Variants in PRKCB observed in about 807,000 individuals in gnomAD.
The protein encoded by PRKCB is protein kinase C beta type.
In PRKCB, 13 loss-of-function variants were observed where a neutral mutation model predicts 81.5. The observed-to-expected ratio is 0.16, with a 90% CI of 0.10 to 0.25. PRKCB has a LOEUF of 0.25. PRKCB is among the 10% of genes least tolerant of loss of function. PRKCB has a pLI of 1.00. For synonymous variants in PRKCB, 335 were observed against 321.4 expected (o/e 1.04, Z -0.45); for missense variants, 509 against 875.7 (o/e 0.58, Z 5.29).
At position 24,215,780 on chromosome 16, in the gene PRKCB, G is replaced by A; in HGVS notation, c.*964G>A. 1.0e-6 allele frequency: 1 copy of A among 985,834 alleles called. No homozygotes were observed. The highest frequency in any genetic ancestry group is 1.2e-6 in the Non-Finnish European group (1 of 829,934). 61.1% of individuals were successfully genotyped at this position (985,834 alleles called of 1,614,324 possible). A position where few individuals can be genotyped will look rare whatever the true frequency, so the allele number is the denominator to read the frequency against. Reference sequence around the variant, plus strand: ...ACGGCTGCGGAGCCTAGCAGACTCAGGCCTGTGGGAATGGGATTTGTTACA... The same window carrying A: ...ACGGCTGCGGAGCCTAGCAGACTCAAGCCTGTGGGAATGGGATTTGTTACA... On this transcript the variant is annotated 3_prime_UTR_variant, in exon 17 of 17. Transcript: ENST00000643927.
At chr16:24,032,347 C>G (rs1357815100) in intron 4 of PRKCB, 100 bp downstream of exon 4, 1 of 757,138 alleles carries the variant, frequency 1.3e-6, no homozygotes, top group Non-Finnish European at 2.2e-6. Flanking sequence ...TACATTCCCC[C>G]CTGTCCTCGT....
intron 2 of PRKCB, among the ~76,000 whole-genome samples, chr16:23,898,121 A>C (rs1353423911): frequency 6.7e-6 from 1 of 149,566 alleles, no homozygotes; most frequent in Admixed American, 6.7e-5. Context: ...GCCAGAGTGC[A>C]GTGGTGCGAT....
chr16:24,056,281 C>G (rs1385624403), intron 5 of PRKCB, among the ~76,000 whole-genome samples: 1 of 152,212 alleles, frequency 6.6e-6, no homozygotes, highest in Non-Finnish European at 1.5e-5. Flanking sequence ...GGGCTAATCA[C>G]CATCTCTGCC....
rs376161487 is a variant in PRKCB at position 23,853,010 on chromosome 16, G to A, written c.205+15604G>A. Among the ~76,000 whole-genome samples, 11 of 152,276 alleles carry A rather than the reference G, an allele frequency of 7.2e-5. No individual in the cohort carries two copies. In the South Asian group the frequency reaches 1.0e-3, roughly 14 times the overall value. ...GAATCACCCATTGGGGAATGGTGCC[G>A]TTTGCCTTCTTTGGGGAACATCTGC... On this transcript the variant is annotated intron_variant, in intron 2 of 16. Coordinates refer to ENST00000643927, the MANE Select transcript of PRKCB (RefSeq NM_002738.7).
chr16:24,195,891 T>G (rs1018622221), intron 16 of PRKCB, among the ~76,000 whole-genome samples: 10 of 152,212 alleles, frequency 6.6e-5, no homozygotes, highest in Admixed American at 5.9e-4. Flanking sequence ...AAACATGCAG[T>G]GCCTTGTTTT....
intron 9 of PRKCB, among the ~76,000 whole-genome samples, chr16:24,130,731 C>A (rs1966852166): frequency 1.3e-5 from 2 of 152,152 alleles, no homozygotes; most frequent in Admixed American, 6.5e-5. Context: ...CTTTGTTTTT[C>A]TCTGCAGTCA....
chr16:24,165,496 A>T (rs566492569), intron 10 of PRKCB, among the ~76,000 whole-genome samples: 2 of 152,326 alleles, frequency 1.3e-5, no homozygotes, highest in African/African-American at 4.8e-5. Context: ...GCTCGATGAA[A>T]GTTCTAAAAC....
At position 24,123,893 on chromosome 16, in the gene PRKCB, C is replaced by T. The variant is rs755710261; in HGVS notation, c.977C>T (p.Ser326Phe). ...GAAGAAAAGACGACCAACACTGTCT[C>T]CAAATTTGACAACAATGGCAACAGA... is the stretch of plus-strand genomic sequence containing the variant. Reference protein sequence around the residue: ...VPEEKTTNTVSKFDNNGNRDR... With the variant: ...VPEEKTTNTVFKFDNNGNRDR... The change falls in exon 9 of 17, where the codon TCC (serine) becomes TTC (phenylalanine). Residue 326 changes from serine (S) to phenylalanine (F), a missense_variant. Coordinates refer to ENST00000643927, the MANE Select transcript of PRKCB (RefSeq NM_002738.7). 34 of 1,614,112 alleles carry T rather than the reference C, an allele frequency of 2.1e-5. No homozygotes were observed. Among genetic ancestry groups the T allele is most frequent in the Non-Finnish European group, 2.8e-5 (33 of 1,180,012 alleles).
intron 3 of PRKCB, among the ~76,000 whole-genome samples, chr16:24,021,789 G>C (rs1396674938): frequency 1.3e-5 from 2 of 152,138 alleles, no homozygotes; most frequent in Admixed American, 6.6e-5. Context: ...CAGGATAACA[G>C]TCTAACTCCT....
chr16:23,991,268 A>G (rs763629938), intron 3 of PRKCB, among the ~76,000 whole-genome samples: 6 of 152,206 alleles, frequency 3.9e-5, no homozygotes, highest in Non-Finnish European at 7.3e-5. Flanking sequence ...AAATGTGGTA[A>G]TTGAGGTTAA....
At chr16:24,062,341 C>T (rs1427034185) in intron 5 of PRKCB, among the ~76,000 whole-genome samples, 2 of 152,188 alleles carry the variant, frequency 1.3e-5, no homozygotes, top group African/African-American at 4.8e-5. Context: ...CTAGCCTTTG[C>T]CTGCTCACTG....
intron 3 of PRKCB, among the ~76,000 whole-genome samples, chr16:23,988,824 C>T (rs1964835383): frequency 6.6e-6 from 1 of 151,946 alleles, no homozygotes. Flanking sequence ...AATGTCTTCA[C>T]TTTGAGAGCT....
rs117145668 is a variant in PRKCB, at chr16:23,980,151, C to T, written c.206-8357C>T. ...ACTGTGATGAGGCTCAGGTTAAGCA[C>T]GGATATGAAAGCCCTTTGCAAACTC... On this transcript the variant is annotated intron_variant, in intron 2 of 16. Coordinates refer to ENST00000643927, the MANE Select transcript of PRKCB (RefSeq NM_002738.7). Among the ~76,000 whole-genome samples, 541 of 152,304 alleles carry T rather than the reference C, an allele frequency of 3.6e-3. 3 individuals carry two copies. The highest frequency in any genetic ancestry group is 5.4e-3 in the Non-Finnish European group (366 of 68,026).
Position 23,878,036 on chromosome 16 carries a change from G to A in PRKCB, c.205+40630G>A, listed in dbSNP as rs147259006. Among the ~76,000 whole-genome samples the A allele has an allele frequency of 3.6e-3, 544 of 152,142 alleles. 1 individual carries two copies. Among genetic ancestry groups the A allele is most frequent in the Non-Finnish European group, 6.4e-3 (438 of 67,994 alleles). On this transcript the variant is annotated intron_variant, in intron 2 of 16. Coordinates refer to ENST00000643927, the MANE Select transcript of PRKCB (RefSeq NM_002738.7). Reference sequence around the variant, plus strand: ...TTTAGTAGAGATGGGGTTTCACCACGTTGGCCAGGCCGGTCTTGAACTCCT... The same window carrying A: ...TTTAGTAGAGATGGGGTTTCACCACATTGGCCAGGCCGGTCTTGAACTCCT...
In PRKCB at chr16:24,217,662, C is replaced by G. The variant is rs534604535; in HGVS notation, c.*2846C>G. ...GAAGCATTAGCCATCACCAGCACAA[C>G]AAACGGGGCAGGGCTTTCCAAGGTG... On this transcript the variant is annotated 3_prime_UTR_variant, in exon 17 of 17. Transcript: ENST00000643927. 5.1e-6 allele frequency: 5 copies of G among 985,556 alleles called. No individual in the cohort carries two copies. In the East Asian group the frequency reaches 5.7e-4, roughly 112 times the overall value. 61.1% of individuals were successfully genotyped at this position (985,556 alleles called of 1,614,324 possible).
chr16:24,186,872 A>C (rs1282711218), intron 15 of PRKCB, among the ~76,000 whole-genome samples: 1 of 152,246 alleles, frequency 6.6e-6, no homozygotes, highest in African/African-American at 2.4e-5. Flanking sequence ...ACCACCTGTG[A>C]ATTAGTCTCA....
chr16:24,002,167 G>C (rs1357627567), intron 3 of PRKCB, among the ~76,000 whole-genome samples: 1 of 152,100 alleles, frequency 6.6e-6, no homozygotes, highest in African/African-American at 2.4e-5. Context: ...AGCCTTGCTA[G>C]CATTGACTGA....
chr16:24,094,232 G>A lies in PRKCB; in HGVS notation c.756G>A (p.Arg252=), dbSNP rs753635581. Residue 252 remains arginine (R), a synonymous_variant, in exon 7 of 17, where the codon AGG becomes AGA. Transcript: ENST00000643927. Reference sequence around the variant, plus strand: ...TTTGGGATTGGGATTTGACCAGCAGGAATGACTTCATGGGATCTTTGTCCT... The same window carrying A: ...TTTGGGATTGGGATTTGACCAGCAGAAATGACTTCATGGGATCTTTGTCCT... ...VEIWDWDLTS[R]NDFMGSLSFG... The A allele has an allele frequency of 3.1e-6, 5 of 1,614,160 alleles. No homozygotes were observed. Among genetic ancestry groups the A allele is most frequent in the Non-Finnish European group, 4.2e-6 (5 of 1,180,018 alleles).
chr16:23,875,555 T>TCA (rs1962986391), intron 2 of PRKCB, among the ~76,000 whole-genome samples: 1 of 9,790 alleles, frequency 1.0e-4, no homozygotes, highest in Non-Finnish European at 1.5e-4. Context: ...TGTATGTATA[T>TCA]CACACACATG....
Sources: gnomAD v4.1 joint callset for allele counts (sites outside exome capture counted in the v4.1 genomes callset) on GRCh38, gnomAD v4.1.1 for gene constraint, MANE v1.5 for transcripts, NCBI Gene and HGNC (gene_info 2026-07-23, HGNC 2026-07-21) for gene names.